Variants in SLC41A3 observed in about 807,000 individuals in gnomAD.
The protein encoded by SLC41A3 is solute carrier family 41 member 3.
In SLC41A3, 44 loss-of-function variants were observed where a neutral mutation model predicts 45.4. The observed-to-expected ratio is 0.97, with a 90% CI of 0.76 to 1.25. The LOEUF (loss-of-function observed/expected upper bound fraction) is 1.25, where lower values mean the gene tolerates loss of function less well. Ranked by LOEUF, SLC41A3 falls within the 50% of genes most tolerant of loss-of-function variation. The probability of loss-of-function intolerance (pLI) is 0.00; values close to 1 mark genes in which losing one functional copy is unlikely to be tolerated. For missense variants in SLC41A3, 550 were observed against 600.6 expected, an observed-to-expected ratio of 0.92 and a Z score of 0.88; for synonymous variants, 256 against 252.4, an observed-to-expected ratio of 1.01 and a Z score of -0.13.
At chr3:126,070,955 T>C (rs1318093836) in intron 1 of SLC41A3, among the ~76,000 whole-genome samples, 4 of 151,630 alleles carry the variant, frequency 2.6e-5, no homozygotes, top group African/African-American at 9.7e-5. Flanking sequence ...ACGATTATTA[T>C]AAACCAAGGT....
chr3:126,015,305 C>T (rs1940162188), intron 8 of SLC41A3, among the ~76,000 whole-genome samples, 189 bp downstream of exon 8: 1 of 152,168 alleles, frequency 6.6e-6, no homozygotes, highest in Non-Finnish European at 1.5e-5. Flanking sequence ...GGGGCTTCCT[C>T]CCCAGGCTTC....
At chr3:126,037,023 T>G (rs1393991401) in intron 3 of SLC41A3, among the ~76,000 whole-genome samples, 1 of 152,204 alleles carries the variant, frequency 6.6e-6, no homozygotes, top group Non-Finnish European at 1.5e-5. Flanking sequence ...CCAAATCTCA[T>G]GTGGAAATGT....
At chr3:126,071,088 G>A (rs1944596254) in intron 1 of SLC41A3, among the ~76,000 whole-genome samples, 1 of 152,058 alleles carries the variant, frequency 6.6e-6, no homozygotes, top group Non-Finnish European at 1.5e-5. Context: ...TGGGGAAACA[G>A]GGAAAAAAGA....
chr3:126,044,912 A>G (rs1942859954), intron 3 of SLC41A3, among the ~76,000 whole-genome samples: 1 of 150,202 alleles, frequency 6.7e-6, no homozygotes. Flanking sequence ...AAAAAAAAAA[A>G]AAAAAAAAAA....
At chr3:126,095,792 G>A (rs946266403) in intron 1 of SLC41A3, among the ~76,000 whole-genome samples, 5 of 152,208 alleles carry the variant, frequency 3.3e-5, no homozygotes, top group African/African-American at 1.2e-4. Flanking sequence ...GGTCCCCTAA[G>A]GGGATATTTA....
chr3:126,046,929 T>A (rs1446298522), intron 3 of SLC41A3, among the ~76,000 whole-genome samples: 1 of 138,224 alleles, frequency 7.2e-6, no homozygotes, highest in East Asian at 2.1e-4. Flanking sequence ...ACAACTGCAC[T>A]CCAGCCTGGG....
intron 3 of SLC41A3, among the ~76,000 whole-genome samples, chr3:126,035,823 T>C (rs564270569): frequency 1.3e-5 from 2 of 151,940 alleles, no homozygotes; most frequent in Non-Finnish European, 2.9e-5. Flanking sequence ...GAAGGAGTGT[T>C]TGTCGCCACC....
intron 2 of SLC41A3, among the ~76,000 whole-genome samples, chr3:126,060,976 T>C (rs1030481837): frequency 7.2e-5 from 11 of 152,202 alleles, no homozygotes; most frequent in African/African-American, 2.7e-4. Flanking sequence ...ATCAGAACGT[T>C]GAGGACCACT....
chr3:126,029,028 G>A (rs374608039), intron 4 of SLC41A3, among the ~76,000 whole-genome samples: 1 of 152,170 alleles, frequency 6.6e-6, no homozygotes, highest in Non-Finnish European at 1.5e-5. Flanking sequence ...GATATTATAG[G>A]CTCATAGTTA....
At chr3:126,086,669 TC>T (rs1180284682), upstream of SLC41A3, among the ~76,000 whole-genome samples, 1 of 152,162 alleles carries the variant, frequency 6.6e-6, no homozygotes, top group Admixed American at 6.5e-5. Context: ...ATCTGATTTT[TC>T]ACCTAAGAGT....
intron 2 of SLC41A3, chr3:126,056,721 G>A (rs1943693251): frequency 2.1e-6 from 3 of 1,435,492 alleles, no homozygotes; most frequent in South Asian, 1.5e-5. Context: ...ACAGCCCCTC[G>A]GCTGAGGGCC....
chr3:126,084,697 A>G (rs1254202602), upstream of SLC41A3, among the ~76,000 whole-genome samples: 1 of 152,188 alleles, frequency 6.6e-6, no homozygotes, highest in Non-Finnish European at 1.5e-5. Flanking sequence ...GAAATTGGCA[A>G]TTCCCAGTCC....
chr3:126,068,240 G>A lies in SLC41A3; in HGVS notation c.-21C>T, dbSNP rs781131853. 4.0e-6 allele frequency: 6 copies of A among 1,500,368 alleles called. 1 individual carries two copies. The South Asian group carries it at 5.6e-5, about 14-fold the overall frequency. The allele number at this position is 1,500,368 out of a possible 1,614,324, so 92.9% of individuals were successfully genotyped here. ...TCCATCTGGGCACAGCTGGGCGCCT[G>A]GCAGCCCTACAGTGGGAGACACAAA... On this transcript the variant is annotated 5_prime_UTR_variant, in exon 2 of 11. Transcript: ENST00000360370.
At chr3:126,079,380 A>C (rs1945043379) in intron 1 of SLC41A3, among the ~76,000 whole-genome samples, 1 of 152,198 alleles carries the variant, frequency 6.6e-6, no homozygotes, top group Admixed American at 6.5e-5. Context: ...GTAGGACAAA[A>C]CTTCTAAATA....
intron 2 of SLC41A3, among the ~76,000 whole-genome samples, chr3:126,053,783 A>C (rs1943490516): frequency 6.6e-6 from 1 of 151,956 alleles, no homozygotes; most frequent in Non-Finnish European, 1.5e-5. Flanking sequence ...CTCTGGCTGA[A>C]CTTTGGACAC....
rs550500913 is a variant in SLC41A3, at chr3:126,019,594, C to CT, written c.746-2720_746-2719insA. 2.8e-3 allele frequency among the ~76,000 whole-genome samples: 431 copies of CT among 152,294 alleles called. 1 individual carries two copies. Among genetic ancestry groups the CT allele is most frequent in the African/African-American group, 1.0e-2 (415 of 41,554 alleles). ...TTCTAAGATACAATGGTGGTACAGG[C>CT]ATAAGGCAGACATTCCCATCCAAAA... On this transcript the variant is annotated intron_variant, in intron 6 of 10. Coordinates refer to ENST00000360370, the MANE Select transcript of SLC41A3 (RefSeq NM_017836.4).
At chr3:126,046,839 G>C (rs1215859770) in intron 3 of SLC41A3, among the ~76,000 whole-genome samples, 1 of 151,938 alleles carries the variant, frequency 6.6e-6, no homozygotes, top group Non-Finnish European at 1.5e-5. Flanking sequence ...GCAGGTGCCT[G>C]TAATCCCAGC....
Position 126,008,740 on chromosome 3 carries a change from G to C in SLC41A3, c.1246C>G (p.Leu416Val). 1 of 1,613,978 alleles carries C rather than the reference G, an allele frequency of 6.2e-7. No homozygotes were observed. Residue 416 changes from leucine to valine, a missense_variant, in exon 10 of 11, where the codon CTG becomes GTG. By Grantham distance (32) the Leu-to-Val change is conservative. Coordinates refer to ENST00000360370, the MANE Select transcript of SLC41A3 (RefSeq NM_017836.4). ...TFVVLYLLAGLIQVTILLYLA... is the reference protein window; with the variant it reads ...TFVVLYLLAGVIQVTILLYLA... Reference sequence around the variant, plus strand: ...GCTGCAGCCAGGCTTACCTGGATCAGGCCTGCCAGCAGGTAGAGCACCACA... The same window carrying C: ...GCTGCAGCCAGGCTTACCTGGATCACGCCTGCCAGCAGGTAGAGCACCACA...
intron 3 of SLC41A3, among the ~76,000 whole-genome samples, chr3:126,037,330 G>A (rs1333955910): frequency 2.6e-5 from 4 of 152,204 alleles, no homozygotes; most frequent in African/African-American, 4.8e-5. Flanking sequence ...GGGCTCAGAA[G>A]AAGACAGGAA....
Sources: allele counts gnomAD v4.1 joint callset (sites outside exome capture counted in the v4.1 genomes callset), GRCh38; gene constraint gnomAD v4.1.1; transcripts MANE v1.5; gene names NCBI Gene and HGNC (gene_info 2026-07-23, HGNC 2026-07-21).